CAMTA1: variants seen among roughly 807,000 people sequenced by gnomAD.
CAMTA1 encodes the protein calmodulin-binding transcription activator 1.
CAMTA1 carries 27 observed loss-of-function variants against 170.9 expected under a neutral mutation model. The observed-to-expected ratio is 0.16, with a 90% CI of 0.12 to 0.22. CAMTA1 has a LOEUF of 0.22. Ranked by LOEUF, CAMTA1 falls within the 10% of genes least tolerant of loss-of-function variation. CAMTA1 has a pLI of 1.00. For synonymous variants in CAMTA1, 833 were observed against 891.5 expected (o/e 0.93, Z 1.17); for missense variants, 1,619 against 2,217.2 (o/e 0.73, Z 5.42).
In CAMTA1 at chr1:7,024,062, GAAAC is replaced by G. The variant is rs138174474; in HGVS notation, c.235-67238_235-67235del. Reference sequence around the variant, plus strand: ...AAAAAAAAAGAAAGAAAGAAAGAAAGAAACAAATAGTTAAGCATAAGATGGTCCT... The same window carrying G: ...AAAAAAAAAGAAAGAAAGAAAGAAAGAAATAGTTAAGCATAAGATGGTCCT... On this transcript the variant is annotated intron_variant, in intron 3 of 22. Coordinates refer to ENST00000303635, the MANE Select transcript of CAMTA1 (RefSeq NM_015215.4). Among the ~76,000 whole-genome samples the G allele has an allele frequency of 9.0e-3, 1,322 of 146,468 alleles. 56 individuals are homozygous for G. Among genetic ancestry groups the G allele is most frequent in the Middle Eastern group, 0.018 (5 of 278 alleles).
chr1:7,152,630 A>G (rs1207112417), intron 4 of CAMTA1, among the ~76,000 whole-genome samples: 1 of 152,112 alleles, frequency 6.6e-6, no homozygotes, highest in African/African-American at 2.4e-5. Context: ...GGAGAAGGGG[A>G]GGGTGCGCAT....
chr1:7,394,617 A>T (rs992701353), intron 5 of CAMTA1, among the ~76,000 whole-genome samples: 1 of 152,110 alleles, frequency 6.6e-6, no homozygotes, highest in Admixed American at 6.5e-5. Flanking sequence ...ACAGTTTGCA[A>T]ATATTTTCTC....
intron 6 of CAMTA1, among the ~76,000 whole-genome samples, chr1:7,537,166 A>G (rs1001089074): frequency 6.6e-6 from 1 of 152,204 alleles, no homozygotes; most frequent in Non-Finnish European, 1.5e-5. Flanking sequence ...CATGTGGCCT[A>G]AGCAGGAGGG....
At chr1:7,164,129 T>C (rs9434865) in intron 4 of CAMTA1, among the ~76,000 whole-genome samples, 88,683 of 151,964 alleles carry the variant, frequency 0.58, 26,136 homozygotes, top group Admixed American at 0.63. Context: ...TCCCCACTCC[T>C]CGCTCCCCAC....
intron 3 of CAMTA1, among the ~76,000 whole-genome samples, chr1:7,083,834 A>G (rs1640357191): frequency 6.6e-6 from 1 of 152,220 alleles, no homozygotes; most frequent in Non-Finnish European, 1.5e-5. Flanking sequence ...TACCCAGAGG[A>G]CATTAAGTAT....
chr1:7,578,627 C>G (rs1188739341), intron 6 of CAMTA1, among the ~76,000 whole-genome samples: 1 of 152,188 alleles, frequency 6.6e-6, no homozygotes, highest in Non-Finnish European at 1.5e-5. Context: ...TTGTGCTGCT[C>G]TAACAGAAAA....
chr1:7,682,187 A>T lies in CAMTA1; in HGVS notation c.2914+4454A>T, dbSNP rs1193593453. Among the ~76,000 whole-genome samples, 1 of 152,178 alleles carries T rather than the reference A, an allele frequency of 6.6e-6. No homozygotes were observed. The highest frequency in any genetic ancestry group is 1.5e-5 in the Non-Finnish European group (1 of 68,030). ...CTCAGGGGTGAGGGGGGACCCTGTC[A>T]TCTCAGGCAGAGCGGGGAGCATGGA... On this transcript the variant is annotated intron_variant, in intron 11 of 22. Transcript: ENST00000303635. The surrounding 1 kb of genome is among the most constrained non-coding windows in gnomAD (Gnocchi z 5.0).
intron 4 of CAMTA1, among the ~76,000 whole-genome samples, chr1:7,214,383 T>C (rs1404357674): frequency 6.6e-6 from 1 of 152,210 alleles, no homozygotes; most frequent in East Asian, 1.9e-4. Context: ...TTTTCTTTTT[T>C]TGAGACAGAG....
chr1:7,090,952 G>A (rs1181371615), intron 3 of CAMTA1, among the ~76,000 whole-genome samples: 3 of 152,162 alleles, frequency 2.0e-5, no homozygotes, highest in Non-Finnish European at 4.4e-5. Context: ...TTATGGTCTC[G>A]CATCGTGGAG....
intron 3 of CAMTA1, among the ~76,000 whole-genome samples, chr1:6,938,584 C>G (rs1685862347): frequency 6.6e-6 from 1 of 152,224 alleles, no homozygotes; most frequent in Non-Finnish European, 1.5e-5. Flanking sequence ...TGAGCAGCAG[C>G]ATGGCCTGTT....
intron 3 of CAMTA1, among the ~76,000 whole-genome samples, chr1:6,882,004 T>A (rs1411401866): frequency 1.3e-5 from 2 of 152,096 alleles, no homozygotes; most frequent in Middle Eastern, 3.2e-3. Flanking sequence ...ATAATCACTC[T>A]GAATGTAGTG....
intron 3 of CAMTA1, among the ~76,000 whole-genome samples, chr1:6,946,183 CTCT>C (rs1687540388): frequency 7.0e-6 from 1 of 142,318 alleles, no homozygotes; most frequent in South Asian, 2.3e-4. Context: ...GTCTTTCTTT[CTCT>C]TCTTTTTTTT....
At chr1:7,721,888 A>G (rs2149790785) in intron 11 of CAMTA1, among the ~76,000 whole-genome samples, 1 of 152,304 alleles carries the variant, frequency 6.6e-6, no homozygotes, top group Middle Eastern at 3.4e-3. Flanking sequence ...TGTTGGGATT[A>G]CAAGTGTGAG....
chr1:7,048,279 G>A lies in CAMTA1; in HGVS notation c.235-43025G>A, dbSNP rs542931278. 3.9e-5 allele frequency among the ~76,000 whole-genome samples: 6 copies of A among 152,134 alleles called. No individual in the cohort carries two copies. The East Asian group carries it at 5.8e-4, about 15-fold the overall frequency. On this transcript the variant is annotated intron_variant, in intron 3 of 22. Transcript: ENST00000303635. The stretch of plus-strand genomic sequence containing the variant: ...TTGTGACAAGGAGAAATTGTAGAGC[G>A]TGGAAAAAAGGGGAAAAAGAGTCAC...
intron 3 of CAMTA1, among the ~76,000 whole-genome samples, chr1:6,856,428 C>G (rs1160218445): frequency 6.6e-6 from 1 of 150,652 alleles, no homozygotes; most frequent in African/African-American, 2.4e-5. Context: ...TACATAACAG[C>G]AGACAAAATA....
chr1:7,030,223 T>G (rs1702598729), intron 3 of CAMTA1, among the ~76,000 whole-genome samples: 1 of 152,236 alleles, frequency 6.6e-6, no homozygotes, highest in African/African-American at 2.4e-5. Context: ...AGTATATTTT[T>G]TTGTATACAG....
intron 4 of CAMTA1, among the ~76,000 whole-genome samples, chr1:7,199,274 G>A (rs1388133430): frequency 1.3e-5 from 2 of 152,218 alleles, no homozygotes; most frequent in African/African-American, 4.8e-5. Context: ...TCTGACTGTG[G>A]GAAGCAAGCT....
chr1:7,082,447 A>AGAT (rs1640150770), intron 3 of CAMTA1, among the ~76,000 whole-genome samples: 1 of 145,274 alleles, frequency 6.9e-6, no homozygotes, highest in Non-Finnish European at 1.5e-5. Flanking sequence ...CGAAATAGAT[A>AGAT]GATAGATAGA....
chr1:7,719,478 A>G (rs959605008), intron 11 of CAMTA1, among the ~76,000 whole-genome samples: 4 of 152,260 alleles, frequency 2.6e-5, no homozygotes, highest in Non-Finnish European at 5.9e-5. Context: ...CAGGAAGAAG[A>G]AATATGGATG....
Sources: gnomAD v4.1 joint callset for allele counts (sites outside exome capture counted in the v4.1 genomes callset) on GRCh38, gnomAD v4.1.1 for gene constraint, Gnocchi (gnomAD v3.1) non-coding constraint, MANE v1.5 for transcripts, NCBI Gene and HGNC (gene_info 2026-07-23, HGNC 2026-07-21) for gene names.